The following CA10 variants were observed in gnomAD, a reference collection of about 807,000 sequenced individuals.
The protein encoded by CA10 is carbonic anhydrase-related protein 10.
CA10 carries 14 observed loss-of-function variants against 44.2 expected under a neutral mutation model. The observed-to-expected ratio is 0.32, with a 90% CI of 0.21 to 0.50. The LOEUF (loss-of-function observed/expected upper bound fraction) is 0.50, where lower values mean the gene tolerates loss of function less well. Ranked by LOEUF, CA10 falls within the 20% of genes least tolerant of loss-of-function variation. CA10 has a pLI of 0.99. For missense variants in CA10, 350 were observed against 409.7 expected, an observed-to-expected ratio of 0.85 and a Z score of 1.26; for synonymous variants, 159 against 141.6, an observed-to-expected ratio of 1.12 and a Z score of -0.87.
chr17:51,882,162 T>C (rs1466531008), intron 3 of CA10, among the ~76,000 whole-genome samples: 2 of 151,986 alleles, frequency 1.3e-5, no homozygotes, highest in Non-Finnish European at 2.9e-5. Context: ...GAAAGAAAAG[T>C]TGCAAAATGA....
chr17:51,982,769 T>G (rs1340826809), intron 2 of CA10, among the ~76,000 whole-genome samples: 1 of 151,928 alleles, frequency 6.6e-6, no homozygotes, highest in East Asian at 1.9e-4. Context: ...TATTTGCTCA[T>G]GTCTCTTTTT....
In CA10 at chr17:51,889,308, GC is replaced by G. The variant is rs140826769; in HGVS notation, c.279+41681del. ...AGGCTGGAGAAGGCAGATTGCTTGA[GC>G]CCAGGAGCTCAACACTAGCCTGGGC... is the stretch of plus-strand genomic sequence containing the variant. On this transcript the variant is annotated intron_variant, in intron 3 of 8. Coordinates refer to ENST00000451037, the MANE Select transcript of CA10 (RefSeq NM_020178.5). 7.0e-3 allele frequency among the ~76,000 whole-genome samples: 1,065 copies of G among 152,160 alleles called. 10 individuals carry two copies. The highest frequency in any genetic ancestry group is 0.021 in the African/African-American group (882 of 41,508).
rs985246708 is a variant in CA10 at position 51,718,028 on chromosome 17, G to A, written c.465+29605C>T. ...GGGAGCTAAGCTCTGAAGACGTAAA[G>A]GCATAAGAATGATACAATGGACTTT... On this transcript the variant is annotated intron_variant, in intron 4 of 8. Transcript: ENST00000451037. Among the ~76,000 whole-genome samples the A allele has an allele frequency of 5.2e-4, 78 of 149,210 alleles. 1 individual carries two copies. The highest frequency in any genetic ancestry group is 1.9e-3 in the African/African-American group (77 of 40,396).
intron 3 of CA10, among the ~76,000 whole-genome samples, chr17:51,927,870 A>C (rs1949306352): frequency 1.3e-5 from 2 of 152,250 alleles, no homozygotes; most frequent in African/African-American, 2.4e-5. Flanking sequence ...TTTTTGATTA[A>C]GTTAATTTAG....
At chr17:51,755,081 C>T (rs1166797321) in intron 3 of CA10, among the ~76,000 whole-genome samples, 2 of 152,102 alleles carry the variant, frequency 1.3e-5, no homozygotes, top group Admixed American at 1.3e-4. Flanking sequence ...TTCCAAATGT[C>T]AGTCACATAG....
chr17:51,918,484 C>A (rs912791313), intron 3 of CA10, among the ~76,000 whole-genome samples: 1 of 152,094 alleles, frequency 6.6e-6, no homozygotes, highest in African/African-American at 2.4e-5. Flanking sequence ...AAACTGTGTG[C>A]GTGTATACAT....
At chr17:52,040,638 C>T (rs1986742812) in intron 2 of CA10, among the ~76,000 whole-genome samples, 1 of 151,970 alleles carries the variant, frequency 6.6e-6, no homozygotes, top group South Asian at 2.1e-4. Flanking sequence ...ATAAATGGCC[C>T]AGAGCATCAT....
At chr17:51,752,878 C>A (rs1395617618) in intron 3 of CA10, among the ~76,000 whole-genome samples, 1 of 152,004 alleles carries the variant, frequency 6.6e-6, no homozygotes, top group East Asian at 1.9e-4. Context: ...GAGATCGCGC[C>A]ACTGCACTGC....
intron 3 of CA10, among the ~76,000 whole-genome samples, chr17:51,831,304 T>G (rs536712235): frequency 1.3e-5 from 2 of 152,336 alleles, no homozygotes; most frequent in East Asian, 3.9e-4. Context: ...TAAATTATTG[T>G]TTTTTAAAAT....
intron 2 of CA10, among the ~76,000 whole-genome samples, chr17:51,997,799 A>G (rs569984701): frequency 6.6e-6 from 1 of 152,110 alleles, no homozygotes; most frequent in Non-Finnish European, 1.5e-5. Flanking sequence ...AGCATGGTCT[A>G]AAAAATTAAA....
chr17:52,137,290 A>G (rs1989380942), intron 1 of CA10, among the ~76,000 whole-genome samples: 1 of 152,134 alleles, frequency 6.6e-6, no homozygotes, highest in Admixed American at 6.5e-5. Context: ...ACAACTATCC[A>G]TTTCTCCAGG....
intron 3 of CA10, among the ~76,000 whole-genome samples, chr17:51,824,662 C>T (rs1907940795): frequency 6.6e-6 from 1 of 152,202 alleles, no homozygotes; most frequent in Non-Finnish European, 1.5e-5. Context: ...AACACCCTGA[C>T]CCCAGCCCTG....
At chr17:51,785,270 C>T (rs571295149) in intron 3 of CA10, among the ~76,000 whole-genome samples, 8 of 150,338 alleles carry the variant, frequency 5.3e-5, no homozygotes, top group Admixed American at 1.3e-4. Context: ...ATACTGATTT[C>T]GTGGTTATTA....
chr17:52,091,783 CA>C (rs1373729102), intron 1 of CA10, among the ~76,000 whole-genome samples: 1 of 152,130 alleles, frequency 6.6e-6, no homozygotes, highest in East Asian at 1.9e-4. Context: ...AAATGGCAAA[CA>C]CTTTAGGGAA....
intron 4 of CA10, among the ~76,000 whole-genome samples, chr17:51,722,178 CAT>C (rs1916370567): frequency 6.6e-6 from 1 of 152,104 alleles, no homozygotes; most frequent in South Asian, 2.1e-4. Context: ...TGTTAAAAAA[CAT>C]ATAATAATAA....
At chr17:51,765,725 A>G (rs12600731) in intron 3 of CA10, among the ~76,000 whole-genome samples, 47,239 of 122,292 alleles carry the variant, frequency 0.39, 8,608 homozygotes, top group East Asian at 0.55. Context: ...GTGTGTGTGT[A>G]TGTGTGTGTG....
chr17:51,697,655 G>A (rs191139765), intron 4 of CA10, among the ~76,000 whole-genome samples: 163 of 152,248 alleles, frequency 1.1e-3, no homozygotes, highest in African/African-American at 3.8e-3. Flanking sequence ...CCATATGAGG[G>A]CCAGGGTCTT....
intron 2 of CA10, among the ~76,000 whole-genome samples, chr17:51,933,346 T>C (rs1982739064): frequency 2.6e-5 from 4 of 152,042 alleles, no homozygotes; most frequent in Admixed American, 2.0e-4. Flanking sequence ...TATAAAGATA[T>C]ACAGATGGAA....
rs1251668619 is a variant in CA10, at chr17:51,717,760, T to TGC, written c.465+29872_465+29873insGC. Among the ~76,000 whole-genome samples, 4 of 74,816 alleles carry TGC rather than the reference T, an allele frequency of 5.3e-5. No individual in the cohort carries two copies. The Admixed American group carries it at 6.6e-4, about 12-fold the overall frequency. The allele number at this position is 74,816 out of a possible 152,430, so 49.1% of individuals were successfully genotyped here. ...ACGTATATATACATGTATATATACG[T>TGC]ATATATGTATACATATATGCATGTA... On this transcript the variant is annotated intron_variant, in intron 4 of 8. Transcript: ENST00000451037.
Sources: gnomAD v4.1 joint callset for allele counts (sites outside exome capture counted in the v4.1 genomes callset) on GRCh38, gnomAD v4.1.1 for gene constraint, MANE v1.5 for transcripts, NCBI Gene and HGNC (gene_info 2026-07-23, HGNC 2026-07-21) for gene names.